TRIM36: variants seen among roughly 807,000 people sequenced by gnomAD.
TRIM36 encodes tripartite motif containing 36, also known as E3 ubiquitin-protein ligase TRIM36.
In TRIM36, 42 loss-of-function variants were observed where a neutral mutation model predicts 72.4. The observed-to-expected ratio is 0.58, with a 90% CI of 0.45 to 0.75. The LOEUF (loss-of-function observed/expected upper bound fraction) is 0.75, where lower values mean the gene tolerates loss of function less well. TRIM36 is among the 30% of genes least tolerant of loss of function. The probability of loss-of-function intolerance (pLI) is 0.00; values close to 1 mark genes in which losing one functional copy is unlikely to be tolerated. For synonymous variants in TRIM36, 315 were observed against 282.8 expected (o/e 1.11, Z -1.14); for missense variants, 913 against 857.1 (o/e 1.07, Z -0.81).
upstream of TRIM36, chr5:115,170,979 T>G (rs549713047): frequency 2.1e-6 from 3 of 1,409,742 alleles, no homozygotes; most frequent in African/African-American, 4.3e-5. Context: ...AATTTAGGAT[T>G]ATTAGATCAC....
intron 1 of TRIM36, among the ~76,000 whole-genome samples, chr5:115,167,636 C>T (rs145527602): frequency 6.6e-6 from 1 of 152,220 alleles, no homozygotes; most frequent in African/African-American, 2.4e-5. Flanking sequence ...TTTGTCCATA[C>T]CACTAGCAGA....
Position 115,125,846 on chromosome 5 carries a change from T to C in TRIM36, c.*657A>G, listed in dbSNP as rs371602836. ...TACCCATGCTGTTAAATGAGTGTTA[T>C]GGCTAAGCAGACTCTTAAAATGTCC... On this transcript the variant is annotated 3_prime_UTR_variant, in exon 10 of 10. Coordinates refer to ENST00000513154, the MANE Select transcript of TRIM36 (RefSeq NM_001300759.2). 3.9e-5 allele frequency: 6 copies of C among 152,326 alleles called. No homozygotes were observed. The East Asian group carries it at 7.7e-4, about 20-fold the overall frequency. 9.4% of individuals were successfully genotyped at this position (152,326 alleles called of 1,614,324 possible).
At chr5:115,153,099 T>A (rs77246621) in intron 2 of TRIM36, among the ~76,000 whole-genome samples, 1 of 152,144 alleles carries the variant, frequency 6.6e-6, no homozygotes, top group African/African-American at 2.4e-5. Context: ...AATTGCAGAA[T>A]AAGTAAGACT....
chr5:115,138,872 G>A (rs1245988375), intron 5 of TRIM36, among the ~76,000 whole-genome samples: 1 of 152,068 alleles, frequency 6.6e-6, no homozygotes, highest in Non-Finnish European at 1.5e-5. Flanking sequence ...CTGTAGTGCA[G>A]TGGCGCGATC....
chr5:115,177,920 A>G (rs764029773), intron 1 of TRIM36: 8 of 1,593,738 alleles, frequency 5.0e-6, no homozygotes, highest in South Asian at 1.1e-5. Flanking sequence ...AATCCAGTAA[A>G]TGAAGCCAGA....
chr5:115,147,714 T>A (rs1231740767), intron 2 of TRIM36, among the ~76,000 whole-genome samples: 1 of 152,180 alleles, frequency 6.6e-6, no homozygotes, highest in South Asian at 2.1e-4. Context: ...GTTAAGATCT[T>A]TTAAAATTAT....
chr5:115,142,487 T>C (rs1261638272), intron 4 of TRIM36, among the ~76,000 whole-genome samples: 5 of 152,258 alleles, frequency 3.3e-5, no homozygotes, highest in Non-Finnish European at 5.9e-5. Context: ...GATAAGTTAG[T>C]TGACTCAAAG....
rs2112769714 is a variant in TRIM36, at chr5:115,130,537, T to C, written c.1796+55A>G. On this transcript the variant is annotated intron_variant, in intron 9 of 9. Transcript: ENST00000513154. ...TCCAAATGTAACAAAGCCAAATCTA[T>C]TTTCAGGCTTACTTTTAAAAAATTA... 7.2e-6 allele frequency: 11 copies of C among 1,535,062 alleles called. No individual in the cohort carries two copies. In the South Asian group the frequency reaches 8.9e-5, roughly 12 times the overall value.
At chr5:115,144,784 T>A in intron 3 of TRIM36, 40 bp from the exon 4 acceptor site, 1 of 1,554,006 alleles carries the variant, frequency 6.4e-7, no homozygotes, top group African/African-American at 1.4e-5. Context: ...AGGATCTAGG[T>A]TTCAAGTAAT....
At chr5:115,135,417 T>A (rs571029316) in intron 7 of TRIM36, among the ~76,000 whole-genome samples, 1 of 151,930 alleles carries the variant, frequency 6.6e-6, no homozygotes, top group Admixed American at 6.6e-5. Context: ...AGTTACAGAT[T>A]AACAAATAGT....
rs775178228 is a variant in TRIM36 at position 115,147,065 on chromosome 5, T to A, written c.588+4A>T. ...CATTCTAACTTAATAAAAACTTCAC[T>A]TACCTTGGGTCTGAAGTTAGTAGTT... On this transcript the variant is annotated splice_donor_region_variant and intron_variant, in intron 3 of 9. Coordinates refer to ENST00000513154, the MANE Select transcript of TRIM36 (RefSeq NM_001300759.2). 6.2e-7 allele frequency: 1 copy of A among 1,600,846 alleles called. No individual in the cohort carries two copies. The highest frequency in any genetic ancestry group is 2.2e-5 in the East Asian group (1 of 44,680).
At chr5:115,148,141 C>G (rs1464470812) in intron 2 of TRIM36, among the ~76,000 whole-genome samples, 1 of 152,134 alleles carries the variant, frequency 6.6e-6, no homozygotes, top group Non-Finnish European at 1.5e-5. Context: ...AGGGACCAAC[C>G]ATTTAATAAC....
intron 1 of TRIM36, among the ~76,000 whole-genome samples, chr5:115,164,315 G>A (rs1027114761): frequency 1.3e-5 from 2 of 152,172 alleles, no homozygotes; most frequent in Non-Finnish European, 1.5e-5. Flanking sequence ...TTCTCATGCT[G>A]TATATCAAAG....
intron 1 of TRIM36, among the ~76,000 whole-genome samples, chr5:115,179,095 C>A (rs1032776384): frequency 7.9e-5 from 12 of 152,322 alleles, no homozygotes; most frequent in Admixed American, 1.3e-4. Flanking sequence ...CAAACGCTGA[C>A]GCCCTTTCCC....
At chr5:115,157,380 T>C (rs982893326) in intron 2 of TRIM36, among the ~76,000 whole-genome samples, 1 of 152,082 alleles carries the variant, frequency 6.6e-6, no homozygotes, top group Non-Finnish European at 1.5e-5. Flanking sequence ...CTGACTGACA[T>C]GGTGAAACCC....
At chr5:115,174,575 A>G (rs906414088), upstream of TRIM36, among the ~76,000 whole-genome samples, 1 of 152,192 alleles carries the variant, frequency 6.6e-6, no homozygotes, top group Admixed American at 6.5e-5. Context: ...GAACAAAGTC[A>G]GGGGAGAGGA....
intron 2 of TRIM36, 148 bp downstream of exon 2, chr5:115,163,370 A>T (rs1754589096): frequency 1.6e-6 from 1 of 638,064 alleles, no homozygotes; most frequent in Non-Finnish European, 2.7e-6. Flanking sequence ...ACAGTGGGGG[A>T]GGCCCCTTTA....
At chr5:115,174,100 T>C (rs1428802613), upstream of TRIM36, 1 of 152,192 alleles carries the variant, frequency 6.6e-6, no homozygotes, top group Non-Finnish European at 1.5e-5. Flanking sequence ...CTATAAATCA[T>C]ATACTACTCC....
intron 9 of TRIM36, among the ~76,000 whole-genome samples, chr5:115,128,780 A>G (rs1240434230): frequency 6.8e-6 from 1 of 147,102 alleles, no homozygotes; most frequent in Non-Finnish European, 1.5e-5. Context: ...AAAAAAAAAA[A>G]AAAAAAAATT....
Sources: allele counts gnomAD v4.1 joint callset (sites outside exome capture counted in the v4.1 genomes callset), GRCh38; gene constraint gnomAD v4.1.1; transcripts MANE v1.5; gene names NCBI Gene and HGNC (gene_info 2026-07-23, HGNC 2026-07-21).